DLGAP2: variants seen among roughly 807,000 people sequenced by gnomAD.
DLGAP2 encodes disks large-associated protein 2.
Under a neutral mutation model 100.3 loss-of-function variants are expected in DLGAP2, and 26 were observed. The ratio of observed to expected loss-of-function variants is 0.26; its 90% CI spans 0.19 to 0.36. The LOEUF (loss-of-function observed/expected upper bound fraction) is 0.36, where lower values mean the gene tolerates loss of function less well. DLGAP2 is among the 10% of genes least tolerant of loss of function. The pLI, the probability that DLGAP2 is intolerant of heterozygous loss-of-function variation, is 1.00. For synonymous variants in DLGAP2, 886 were observed against 630.1 expected, an observed-to-expected ratio of 1.41 and a Z score of -6.08; for missense variants, 1,858 against 1,453.2, an observed-to-expected ratio of 1.28 and a Z score of -4.53.
At chr8:1,475,721 C>A (rs556622275) in intron 3 of DLGAP2, among the ~76,000 whole-genome samples, 8 of 152,332 alleles carry the variant, frequency 5.3e-5, no homozygotes, top group African/African-American at 1.7e-4. Flanking sequence ...CGAGTGGCAC[C>A]TGCCGGCTTG....
chr8:965,322 G>A (rs113167191), intron 2 of DLGAP2, among the ~76,000 whole-genome samples: 149 of 78,888 alleles, frequency 1.9e-3, no homozygotes, highest in Middle Eastern at 0.013. Flanking sequence ...TGACCCCTGC[G>A]CTGCACACGG....
intron 2 of DLGAP2, among the ~76,000 whole-genome samples, chr8:999,738 C>T (rs992937715): frequency 3.3e-5 from 5 of 152,188 alleles, no homozygotes; most frequent in Non-Finnish European, 5.9e-5. Flanking sequence ...CTGGGCCTTC[C>T]GAAGTGCTGG....
At chr8:1,471,593 T>G (rs1584936105) in intron 3 of DLGAP2, among the ~76,000 whole-genome samples, 1 of 117,892 alleles carries the variant, frequency 8.5e-6, no homozygotes, top group East Asian at 2.7e-4. Context: ...CCTCCTAACC[T>G]CCTCTCACCT....
intron 1 of DLGAP2, among the ~76,000 whole-genome samples, chr8:866,036 G>C (rs1797487858): frequency 6.6e-6 from 1 of 152,146 alleles, no homozygotes; most frequent in African/African-American, 2.4e-5. Context: ...ATTTTTTATG[G>C]GGAAGAAACT....
chr8:1,286,189 G>T (rs565614211), intron 3 of DLGAP2, among the ~76,000 whole-genome samples: 1 of 152,158 alleles, frequency 6.6e-6, no homozygotes, highest in African/African-American at 2.4e-5. Flanking sequence ...TATAAGGGGC[G>T]TCCCCCTTTG....
At chr8:884,062 C>T (rs1797873737) in intron 1 of DLGAP2, among the ~76,000 whole-genome samples, 2 of 152,156 alleles carry the variant, frequency 1.3e-5, no homozygotes, top group Non-Finnish European at 2.9e-5. Context: ...TGTGTTGGTT[C>T]CATCTCTTTG....
At chr8:1,631,279 T>C (rs1437082568) in intron 7 of DLGAP2, among the ~76,000 whole-genome samples, 1 of 152,022 alleles carries the variant, frequency 6.6e-6, no homozygotes, top group African/African-American at 2.4e-5. Flanking sequence ...GTCTCTTCTT[T>C]AGGAGCGAGG....
intron 2 of DLGAP2, among the ~76,000 whole-genome samples, chr8:1,177,064 C>G (rs998804794): frequency 1.3e-5 from 2 of 152,190 alleles, no homozygotes; most frequent in African/African-American, 4.8e-5. Context: ...ATTATACTTT[C>G]TTTGGCATAT....
At chr8:1,562,432 C>G (rs376904025) in intron 5 of DLGAP2, among the ~76,000 whole-genome samples, 8 of 22,536 alleles carry the variant, frequency 3.5e-4, no homozygotes, top group Admixed American at 2.8e-3. Flanking sequence ...GTGTGGAGTT[C>G]GGGTGTCCGC....
chr8:1,614,942 C>T (rs1025035061), intron 6 of DLGAP2, among the ~76,000 whole-genome samples: 1 of 152,220 alleles, frequency 6.6e-6, no homozygotes, highest in Admixed American at 6.5e-5. Context: ...AAAGGAAAGG[C>T]GCCGCGCTCA....
intron 3 of DLGAP2, among the ~76,000 whole-genome samples, chr8:1,360,383 G>T (rs1801956607): frequency 6.6e-6 from 1 of 152,116 alleles, no homozygotes; most frequent in African/African-American, 2.4e-5. Flanking sequence ...GCTTTGCGCT[G>T]CGTCTGTCTG....
rs769499098 is a variant in DLGAP2, at chr8:1,549,063, C to G, written c.610C>G (p.Arg204Gly). Residue 204 changes from arginine to glycine, a missense_variant, in exon 5 of 15, where the codon CGG (arginine) becomes GGG (glycine). Physicochemically the swap from Arg to Gly is moderately radical, Grantham distance 125 (BLOSUM62 -2). Transcript: ENST00000637795. ...DQFEKQLPLHRDGFHTLQYQR... is the reference protein window; with the variant it reads ...DQFEKQLPLHGDGFHTLQYQR... ...GTTCGAGAAGCAGCTGCCGCTGCAC[C>G]GGGACGGCTTCCACACGCTGCAGTA... 3 of 1,589,854 alleles carry G rather than the reference C, an allele frequency of 1.9e-6. No homozygotes were observed. In the Admixed American group the frequency reaches 5.3e-5, roughly 28 times the overall value.
At chr8:806,916 T>A (rs1385634976) in intron 1 of DLGAP2, among the ~76,000 whole-genome samples, 1 of 152,186 alleles carries the variant, frequency 6.6e-6, no homozygotes, top group Admixed American at 6.5e-5. Context: ...GATGAGATCC[T>A]TGATAACCGC....
chr8:979,597 C>T (rs144314891), intron 2 of DLGAP2, among the ~76,000 whole-genome samples: 1 of 152,190 alleles, frequency 6.6e-6, no homozygotes, highest in Non-Finnish European at 1.5e-5. Flanking sequence ...GGAGTAATTT[C>T]TCATTATCAG....
intron 2 of DLGAP2, among the ~76,000 whole-genome samples, chr8:1,056,934 G>C (rs1802899129): frequency 6.6e-6 from 1 of 152,120 alleles, no homozygotes; most frequent in South Asian, 2.1e-4. Flanking sequence ...AACCCAAATA[G>C]GGAGGTGAGA....
chr8:1,173,810 A>T (rs572461411), intron 2 of DLGAP2, among the ~76,000 whole-genome samples: 1 of 152,214 alleles, frequency 6.6e-6, no homozygotes, highest in Admixed American at 6.5e-5. Context: ...TAGGAAAGGG[A>T]ACTCTCTGAC....
chr8:1,268,015 T>A (rs1396603881), intron 3 of DLGAP2, among the ~76,000 whole-genome samples: 2 of 152,164 alleles, frequency 1.3e-5, no homozygotes, highest in African/African-American at 4.8e-5. Context: ...TAAGATAGAG[T>A]GAAACGGGGA....
intron 2 of DLGAP2, among the ~76,000 whole-genome samples, chr8:1,026,312 G>A (rs1030297877): frequency 5.9e-5 from 9 of 152,106 alleles, no homozygotes; most frequent in African/African-American, 1.2e-4. Context: ...TGCTCTTCAC[G>A]TCTCCTTTGA....
intron 2 of DLGAP2, among the ~76,000 whole-genome samples, chr8:1,044,962 G>C (rs1311299431): frequency 6.6e-6 from 1 of 152,230 alleles, no homozygotes; most frequent in Non-Finnish European, 1.5e-5. Context: ...CCATCTTTCA[G>C]AGGAATATGC....
Sources: allele counts gnomAD v4.1 joint callset (sites outside exome capture counted in the v4.1 genomes callset), GRCh38; gene constraint gnomAD v4.1.1; transcripts MANE v1.5; gene names NCBI Gene and HGNC (gene_info 2026-07-23, HGNC 2026-07-21).